Variants in FBXO31 observed in about 807,000 individuals in gnomAD.
The protein encoded by FBXO31 is F-box protein 31.
Under a neutral mutation model 54.4 loss-of-function variants are expected in FBXO31, and 24 were observed. The observed-to-expected ratio is 0.44, with a 90% CI of 0.32 to 0.62. FBXO31 has a LOEUF of 0.62. Ranked by LOEUF, FBXO31 falls within the 20% of genes least tolerant of loss-of-function variation. The pLI is 0.05. For missense variants in FBXO31, 665 were observed against 787.1 expected (o/e 0.84, Z 1.86); for synonymous variants, 388 against 335.6 (o/e 1.16, Z -1.71).
upstream of FBXO31, among the ~76,000 whole-genome samples, chr16:87,385,099 C>T (rs1422679068): frequency 1.3e-5 from 2 of 151,906 alleles, no homozygotes; most frequent in Non-Finnish European, 2.9e-5. Context: ...GCGGGTAGAT[C>T]GGTTAAGCCC....
chr16:87,359,958 G>C (rs1906062675), intron 2 of FBXO31, among the ~76,000 whole-genome samples: 1 of 152,234 alleles, frequency 6.6e-6, no homozygotes, highest in Admixed American at 6.5e-5. Context: ...ACCACAGGCA[G>C]TCCCATCCTG....
chr16:87,335,441 G>A lies in FBXO31; in HGVS notation c.859C>T (p.Arg287Cys), dbSNP rs1430816336. Reference sequence around the variant, plus strand: ...CGGCTGGGCGGCAGGTAGATGCGGCGGTAGGTCAGGCAGTTGCTGTGGGGA... The same window carrying A: ...CGGCTGGGCGGCAGGTAGATGCGGCAGTAGGTCAGGCAGTTGCTGTGGGGA... ...TSQYDNCLTYRRIYLPPSRPD... is the reference protein window; with the variant it reads ...TSQYDNCLTYCRIYLPPSRPD... Residue 287 changes from arginine to cysteine, a missense_variant, in exon 7 of 9, where the codon CGC becomes TGC. By Grantham distance (180) the Arg-to-Cys change is radical. Coordinates refer to ENST00000311635, the MANE Select transcript of FBXO31 (RefSeq NM_024735.5). This position sits in a 1 kb window ranked among gnomAD's most constrained non-coding sequence, Gnocchi z 5.7. The A allele has an allele frequency of 1.9e-6, 3 of 1,612,948 alleles. No individual in the cohort carries two copies. Among genetic ancestry groups the A allele is most frequent in the East Asian group, 2.2e-5 (1 of 44,860 alleles).
At position 87,335,510 on chromosome 16, in the gene FBXO31, G is replaced by C; in HGVS notation, c.843-53C>G. On this transcript the variant is annotated intron_variant, in intron 6 of 8. Transcript: ENST00000311635. The surrounding 1 kb of genome is among the most constrained non-coding windows in gnomAD (Gnocchi z 5.7). Reference sequence around the variant, plus strand: ...GAGACCTCGTGGGGCAGGCAGGACTGAGAACGCCCAAGGTGCCAGGGATGA... The same window carrying C: ...GAGACCTCGTGGGGCAGGCAGGACTCAGAACGCCCAAGGTGCCAGGGATGA... The C allele has an allele frequency of 2.8e-6, 4 of 1,448,094 alleles. No homozygotes were observed. Among genetic ancestry groups the C allele is most frequent in the Non-Finnish European group, 3.7e-6 (4 of 1,078,378 alleles). The allele number at this position is 1,448,094 out of a possible 1,614,324, so 89.7% of individuals were successfully genotyped here.
intron 1 of FBXO31, 150 bp from the exon 2 acceptor site, chr16:87,360,516 T>A: frequency 1.5e-6 from 1 of 654,616 alleles, no homozygotes; most frequent in Non-Finnish European, 2.8e-6. Flanking sequence ...TTTCACTGAC[T>A]TCTCCACATT....
intron 1 of FBXO31, among the ~76,000 whole-genome samples, chr16:87,370,960 T>C (rs1204198673): frequency 1.3e-5 from 2 of 152,136 alleles, no homozygotes; most frequent in African/African-American, 4.8e-5. Context: ...AGGGGGGACA[T>C]GCCCCCGGGC....
chr16:87,357,619 T>C (rs1271681602), intron 2 of FBXO31, among the ~76,000 whole-genome samples: 1 of 151,130 alleles, frequency 6.6e-6, no homozygotes, highest in African/African-American at 2.4e-5. Flanking sequence ...TTAGCCACCA[T>C]GTCTGGCCAA....
chr16:87,390,339 C>G (rs1367850595), upstream of FBXO31, among the ~76,000 whole-genome samples: 1 of 152,174 alleles, frequency 6.6e-6, no homozygotes, highest in Non-Finnish European at 1.5e-5. Flanking sequence ...TAACGTCATT[C>G]TTCTGATGGT....
chr16:87,350,488 C>G (rs558171939), intron 2 of FBXO31, among the ~76,000 whole-genome samples: 1 of 152,138 alleles, frequency 6.6e-6, no homozygotes, highest in African/African-American at 2.4e-5. Context: ...CACACCTAGA[C>G]GGGTGTGTGA....
rs1421947464 is a variant in FBXO31 at position 87,331,330 on chromosome 16, G to T, written c.1578C>A (p.Ala526=). The change falls in exon 9 of 9, where the codon GCC becomes GCA. Residue 526 remains alanine (A), a synonymous_variant. Coordinates refer to ENST00000311635, the MANE Select transcript of FBXO31 (RefSeq NM_024735.5). Reference sequence around the variant, plus strand: ...GAATGTTCTTGAGCATCTCATCGAAGGCCTGTGGGGACGGCGCATCTGCGT... The same window carrying T: ...GAATGTTCTTGAGCATCTCATCGAATGCCTGTGGGGACGGCGCATCTGCGT... ...FRNADAPSPQ[A]FDEMLKNIQS... is the part of the protein sequence containing the mutation. 1.2e-6 allele frequency: 2 copies of T among 1,614,044 alleles called. No homozygotes were observed. Among genetic ancestry groups the T allele is most frequent in the Non-Finnish European group, 1.7e-6 (2 of 1,180,032 alleles).
chr16:87,343,537 G>T, intron 4 of FBXO31, 61 bp downstream of exon 4: 1 of 1,535,744 alleles, frequency 6.5e-7, no homozygotes, highest in Admixed American at 2.0e-5. Flanking sequence ...GGCAGGCCTG[G>T]CTGGAGCCCA....
At position 87,346,006 on chromosome 16, in the gene FBXO31, G is replaced by C. The variant is rs1905369475; in HGVS notation, c.489+1168C>G. On this transcript the variant is annotated intron_variant, in intron 3 of 8. Coordinates refer to ENST00000311635, the MANE Select transcript of FBXO31 (RefSeq NM_024735.5). The surrounding 1 kb of genome is among the most constrained non-coding windows in gnomAD (Gnocchi z 4.2). Reference sequence around the variant, plus strand: ...TGAGTGAGGGGTGGGAGGTGGAGGAGGGAAGCAGAGTGGCTGCTGAGAGGA... The same window carrying C: ...TGAGTGAGGGGTGGGAGGTGGAGGACGGAAGCAGAGTGGCTGCTGAGAGGA... Among the ~76,000 whole-genome samples the C allele has an allele frequency of 6.6e-6, 1 of 152,030 alleles. No homozygotes were observed. Among genetic ancestry groups the C allele is most frequent in the African/African-American group, 2.4e-5 (1 of 41,368 alleles).
chr16:87,373,346 G>C (rs1242979992), intron 1 of FBXO31, among the ~76,000 whole-genome samples: 5 of 151,960 alleles, frequency 3.3e-5, no homozygotes, highest in African/African-American at 4.8e-5. Flanking sequence ...CAGCTACTCA[G>C]GAGGCTGAGG....
intron 1 of FBXO31, among the ~76,000 whole-genome samples, chr16:87,380,143 C>T (rs902815401): frequency 6.6e-6 from 1 of 151,228 alleles, no homozygotes; most frequent in Admixed American, 6.6e-5. Context: ...ACTAAAAATA[C>T]AAAAATTAGC....
intron 1 of FBXO31, among the ~76,000 whole-genome samples, chr16:87,366,595 C>A (rs1034161832): frequency 2.1e-4 from 32 of 152,158 alleles, no homozygotes; most frequent in African/African-American, 7.7e-4. Flanking sequence ...TGGAAACAGC[C>A]AGGGAGCAGG....
chr16:87,357,854 A>G (rs529733751), intron 2 of FBXO31, among the ~76,000 whole-genome samples: 4 of 151,680 alleles, frequency 2.6e-5, no homozygotes, highest in East Asian at 3.9e-4. Context: ...TATTACTTGA[A>G]CCGAGGAGGC....
At chr16:87,343,982 T>G (rs1905276643) in intron 3 of FBXO31, among the ~76,000 whole-genome samples, 1 of 152,134 alleles carries the variant, frequency 6.6e-6, no homozygotes, top group African/African-American at 2.4e-5. Context: ...ATCCAGAAAG[T>G]GACACGGGGT....
At chr16:87,368,620 T>G (rs527595833) in intron 1 of FBXO31, among the ~76,000 whole-genome samples, 59 of 151,070 alleles carry the variant, frequency 3.9e-4, no homozygotes, top group African/African-American at 1.4e-3. Context: ...TACTAATCTA[T>G]TTCCTTTTTT....
chr16:87,344,687 A>C (rs1905303569), intron 3 of FBXO31, among the ~76,000 whole-genome samples: 1 of 151,422 alleles, frequency 6.6e-6, no homozygotes, highest in Non-Finnish European at 1.5e-5. Flanking sequence ...TAAAACAATT[A>C]CCCTTCCTCC....
At chr16:87,361,906 C>T (rs1906150678) in intron 1 of FBXO31, among the ~76,000 whole-genome samples, 1 of 152,240 alleles carries the variant, frequency 6.6e-6, no homozygotes, top group South Asian at 2.1e-4. Flanking sequence ...TCCTAGAAGG[C>T]CTGTGTCTCC....
Sources: gnomAD v4.1 joint callset for allele counts (sites outside exome capture counted in the v4.1 genomes callset) on GRCh38, gnomAD v4.1.1 for gene constraint, Gnocchi (gnomAD v3.1) non-coding constraint, MANE v1.5 for transcripts, NCBI Gene and HGNC (gene_info 2026-07-23, HGNC 2026-07-21) for gene names.